Variants in ZNF124 observed in about 807,000 individuals in gnomAD.
The protein encoded by ZNF124 is zinc finger protein HZF-16.
Under a neutral mutation model 26.6 loss-of-function variants are expected in ZNF124, and 25 were observed. The ratio of observed to expected loss-of-function variants is 0.94; its 90% confidence interval spans 0.68 to 1.31. The LOEUF is 1.31. Among genes scored for constraint, ZNF124 ranks in the 40% most tolerant of loss-of-function variants. The probability of loss-of-function intolerance (pLI) is 0.00; values close to 1 mark genes in which losing one functional copy is unlikely to be tolerated. For synonymous variants in ZNF124, 129 were observed against 133.3 expected, an observed-to-expected ratio of 0.97 and a Z score of 0.22; for missense variants, 444 against 422.2, an observed-to-expected ratio of 1.05 and a Z score of -0.45.
At chr1:247,151,716 A>G (rs747568189), downstream of ZNF124, among the ~76,000 whole-genome samples, 2 of 152,184 alleles carry the variant, frequency 1.3e-5, no homozygotes, top group Non-Finnish European at 2.9e-5. Flanking sequence ...TGGAATTTAC[A>G]TAGCAGCCCT....
chr1:247,156,823 A>C lies in ZNF124; in HGVS notation c.799T>G (p.Cys267Gly). ...CTGGCGTATCTGAAGGCTTTCCCAC[A>C]TTGCTTACATGGATAGGGTTCTTCA... ...AGEEPYPCKQ[C>G]GKAFRYASSL... The change falls in exon 4 of 4, where the codon TGT becomes GGT. Residue 267 changes from cysteine to glycine, a missense_variant. Physicochemically the swap from Cys to Gly is radical, Grantham distance 159. Coordinates refer to ENST00000543802, the MANE Select transcript of ZNF124 (RefSeq NM_001297568.2). 6.2e-7 allele frequency: 1 copy of C among 1,614,120 alleles called. No homozygotes were observed. Among genetic ancestry groups the C allele is most frequent in the Non-Finnish European group, 8.5e-7 (1 of 1,180,012 alleles).
chr1:247,141,007 A>G (rs1484244055), intron 3 of ZNF124, among the ~76,000 whole-genome samples: 2 of 152,192 alleles, frequency 1.3e-5, no homozygotes, highest in East Asian at 1.9e-4. Context: ...CAGCAGAGGA[A>G]GGGACCTTAA....
At chr1:247,151,433 C>T (rs1187457809), downstream of ZNF124, among the ~76,000 whole-genome samples, 1 of 149,328 alleles carries the variant, frequency 6.7e-6, no homozygotes, top group Non-Finnish European at 1.5e-5. Context: ...GAGCCGAGAT[C>T]GCGCCACTGC....
rs1157959702 is a variant in ZNF124 at position 247,168,569 on chromosome 1, GC to G, written c.30+3278del. 6.6e-6 allele frequency among the ~76,000 whole-genome samples: 1 copy of G among 152,052 alleles called. No homozygotes were observed. Among genetic ancestry groups the G allele is most frequent in the Non-Finnish European group, 1.5e-5 (1 of 68,022 alleles). On this transcript the variant is annotated intron_variant, in intron 1 of 3. Transcript: ENST00000543802. The surrounding 1 kb of genome is among the most constrained non-coding windows in gnomAD (Gnocchi z 4.0). ...CAAACAAACAAAAACACTTGCACAC[GC>G]ATGTTAACAGTAGCACAATTTGCCA...
At chr1:247,169,022 C>T (rs1469625533) in intron 1 of ZNF124, among the ~76,000 whole-genome samples, 1 of 151,720 alleles carries the variant, frequency 6.6e-6, no homozygotes, top group Non-Finnish European at 1.5e-5. Flanking sequence ...AATTAAAAAA[C>T]TAAATATATA....
chr1:247,134,375 A>G (rs1439674347), intron 3 of ZNF124, among the ~76,000 whole-genome samples: 1 of 152,226 alleles, frequency 6.6e-6, no homozygotes, highest in Non-Finnish European at 1.5e-5. Flanking sequence ...ATGTGCAAAG[A>G]CACACATAGG....
chr1:247,126,224 G>T (rs1672218301), intron 3 of ZNF124, among the ~76,000 whole-genome samples: 1 of 144,614 alleles, frequency 6.9e-6, no homozygotes, highest in African/African-American at 2.6e-5. Flanking sequence ...GCAAGGCTGG[G>T]TCCCAACCCA....
intron 3 of ZNF124, among the ~76,000 whole-genome samples, chr1:247,145,545 C>T (rs962421880): frequency 6.6e-6 from 1 of 152,130 alleles, no homozygotes; most frequent in Admixed American, 6.5e-5. Context: ...TGCAGTGCTG[C>T]CCTCAGCATT....
At chr1:247,147,165 GT>G (rs112821147) in intron 3 of ZNF124, among the ~76,000 whole-genome samples, 144 of 136,500 alleles carry the variant, frequency 1.1e-3, no homozygotes, top group East Asian at 2.2e-3. Flanking sequence ...GTTTTAGCAA[GT>G]TTTTTTTTTT....
chr1:247,142,841 CTTT>C (rs56080219), intron 3 of ZNF124, among the ~76,000 whole-genome samples: 10 of 143,800 alleles, frequency 7.0e-5, no homozygotes, highest in South Asian at 2.2e-4. Context: ...CAGGTATTGT[CTTT>C]TTTTTTTTTT....
intron 3 of ZNF124, among the ~76,000 whole-genome samples, chr1:247,158,296 C>G (rs1274750260): frequency 6.6e-6 from 1 of 152,024 alleles, no homozygotes; most frequent in African/African-American, 2.4e-5. Flanking sequence ...TTTGGCACTT[C>G]CTTTCTCTCT....
At chr1:247,141,887 C>T (rs1465728691) in intron 3 of ZNF124, among the ~76,000 whole-genome samples, 1 of 152,234 alleles carries the variant, frequency 6.6e-6, no homozygotes, top group East Asian at 1.9e-4. Context: ...CTAGTTCAGA[C>T]ACAAGCACAG....
chr1:247,130,834 T>C (rs1672338588), intron 3 of ZNF124, among the ~76,000 whole-genome samples: 1 of 152,140 alleles, frequency 6.6e-6, no homozygotes, highest in Non-Finnish European at 1.5e-5. Flanking sequence ...TCCCAGCACT[T>C]TGGGAGGCCG....
chr1:247,156,999 C>T lies in ZNF124; in HGVS notation c.623G>A (p.Cys208Tyr), dbSNP rs1298475548. ...ACGGAAGGCTTTCCCACAGTGCTTACATTCATAGGGTTTCTCTCCAGTATG... is the reference window on the plus strand; with the variant it reads ...ACGGAAGGCTTTCCCACAGTGCTTATATTCATAGGGTTTCTCTCCAGTATG... Reference protein sequence around the residue: ...RTHTGEKPYECKHCGKAFRYS... With the variant: ...RTHTGEKPYEYKHCGKAFRYS... Residue 208 changes from cysteine (C) to tyrosine (Y), a missense_variant, in exon 4 of 4, where the codon TGT (cysteine) becomes TAT (tyrosine). Cys to Tyr is a radical substitution (Grantham distance 194). Transcript: ENST00000543802. 6.2e-7 allele frequency: 1 copy of T among 1,613,930 alleles called. No homozygotes were observed. Among genetic ancestry groups the T allele is most frequent in the African/African-American group, 1.3e-5 (1 of 74,890 alleles).
chr1:247,159,665 G>C (rs9645317), intron 2 of ZNF124, 22 bp downstream of exon 2: 213,744 of 1,604,676 alleles, frequency 0.13, 14,838 homozygotes, highest in Non-Finnish European at 0.14. Context: ...TTGACTAAGT[G>C]AAGAAATATT....
rs763788835 is a variant in ZNF124, at chr1:247,159,004, AC to A, written c.218+1del. The A allele has an allele frequency of 9.3e-6, 15 of 1,613,032 alleles. No individual in the cohort carries two copies. In the African/African-American group the frequency reaches 1.9e-4, roughly 20 times the overall value. ...CTGCTTCCTCTTGTGAGGGCAAATT[AC>A]CTTAGATTTCTTGAAGAATTTTTGT... On this transcript the variant is annotated splice_donor_variant, in intron 3 of 3. Coordinates refer to ENST00000543802, the MANE Select transcript of ZNF124 (RefSeq NM_001297568.2). LOFTEE classifies it high-confidence loss of function.
intron 1 of ZNF124, among the ~76,000 whole-genome samples, chr1:247,170,199 C>T (rs1674021819): frequency 7.0e-6 from 1 of 142,258 alleles, no homozygotes; most frequent in Non-Finnish European, 1.5e-5. Flanking sequence ...TTATAGTGGA[C>T]TAGATCAGGT....
At chr1:247,143,808 G>A (rs1672690307) in intron 3 of ZNF124, among the ~76,000 whole-genome samples, 2 of 152,194 alleles carry the variant, frequency 1.3e-5, no homozygotes, top group South Asian at 4.1e-4. Context: ...CACAGAAGTA[G>A]ACAATGGGAT....
chr1:247,150,902 T>A (rs1398370101), downstream of ZNF124, among the ~76,000 whole-genome samples: 2 of 151,966 alleles, frequency 1.3e-5, no homozygotes, highest in Non-Finnish European at 2.9e-5. Context: ...AATAAAATTT[T>A]ATTAAAATTA....
Sources: gnomAD v4.1 joint callset for allele counts (sites outside exome capture counted in the v4.1 genomes callset) on GRCh38, gnomAD v4.1.1 for gene constraint, Gnocchi (gnomAD v3.1) non-coding constraint, MANE v1.5 for transcripts, NCBI Gene and HGNC (gene_info 2026-07-23, HGNC 2026-07-21) for gene names.